The following RBFOX1 variants were observed in gnomAD, a reference collection of about 807,000 sequenced individuals.
RBFOX1 encodes the protein RNA binding protein fox-1 homolog 1.
A neutral mutation model predicts 57.7 loss-of-function variants in RBFOX1; 8 were observed. The ratio of observed to expected loss-of-function variants is 0.14; its 90% confidence interval spans 0.08 to 0.25. The LOEUF (loss-of-function observed/expected upper bound fraction) is 0.25. Among genes scored for constraint, RBFOX1 ranks in the 10% least tolerant of loss-of-function variants. RBFOX1 has a pLI of 1.00. For synonymous variants in RBFOX1, 326 were observed against 222.4 expected (o/e 1.47, Z -4.15); for missense variants, 611 against 548.5 (o/e 1.11, Z -1.14).
At chr16:5,422,174 G>A (rs1334318303) in intron 1 of RBFOX1, among the ~76,000 whole-genome samples, 2 of 151,966 alleles carry the variant, frequency 1.3e-5, no homozygotes, top group Non-Finnish European at 2.9e-5. Context: ...TGTTTGTAGA[G>A]GAAGAGAGAG....
intron 2 of RBFOX1, chr16:6,483,533 G>T (rs1472118003): frequency 5.2e-6 from 8 of 1,535,502 alleles, no homozygotes; most frequent in Non-Finnish European, 7.0e-6. Context: ...AGTCGTGGGA[G>T]ATGCCCTTCA....
chr16:5,837,210 T>A (rs2056486413), intron 3 of RBFOX1, among the ~76,000 whole-genome samples: 1 of 151,820 alleles, frequency 6.6e-6, no homozygotes, highest in Non-Finnish European at 1.5e-5. Context: ...ACGGAGGCTT[T>A]GCACACGCTC....
At chr16:6,696,888 T>G (rs1382760452) in intron 3 of RBFOX1, among the ~76,000 whole-genome samples, 1 of 152,208 alleles carries the variant, frequency 6.6e-6, no homozygotes, top group African/African-American at 2.4e-5. Context: ...AGCACATGTT[T>G]AAGAAATGGA....
At chr16:6,589,364 C>T (rs1320427436) in intron 2 of RBFOX1, among the ~76,000 whole-genome samples, 1 of 152,104 alleles carries the variant, frequency 6.6e-6, no homozygotes, top group East Asian at 1.9e-4. Context: ...AATTAGTCTC[C>T]CTGAAAACCC....
At chr16:7,378,250 G>T (rs896320626) in intron 4 of RBFOX1, among the ~76,000 whole-genome samples, 2 of 152,190 alleles carry the variant, frequency 1.3e-5, no homozygotes, top group African/African-American at 4.8e-5. Flanking sequence ...CTGATCTCGA[G>T]CCTTTTCCTC....
chr16:6,044,790 GC>G (rs1281108595), intron 1 of RBFOX1, among the ~76,000 whole-genome samples: 2 of 152,216 alleles, frequency 1.3e-5, no homozygotes, highest in African/African-American at 2.4e-5. Flanking sequence ...ACTCTGAACT[GC>G]CTGTCTGGGA....
chr16:7,431,519 C>G (rs143635023), intron 4 of RBFOX1, among the ~76,000 whole-genome samples: 1 of 152,082 alleles, frequency 6.6e-6, no homozygotes, highest in South Asian at 2.1e-4. Context: ...GGATTATGGG[C>G]GTGAGCCACC....
chr16:7,398,009 G>A (rs1332682377), intron 4 of RBFOX1, among the ~76,000 whole-genome samples: 1 of 151,794 alleles, frequency 6.6e-6, no homozygotes, highest in African/African-American at 2.4e-5. Flanking sequence ...CCTTACGGCC[G>A]TTAGTGGATT....
intron 15 of RBFOX1, chr16:7,709,824 C>T (rs2083658913): frequency 4.0e-6 from 5 of 1,261,388 alleles, no homozygotes; most frequent in African/African-American, 1.5e-5. Context: ...AACTTCTATG[C>T]ACTGAAACTC....
chr16:5,357,122 A>C (rs1045862234), intron 1 of RBFOX1, among the ~76,000 whole-genome samples: 3 of 152,148 alleles, frequency 2.0e-5, no homozygotes, highest in East Asian at 1.9e-4. Flanking sequence ...TCTCATGAGC[A>C]TTTGTTGAGT....
chr16:7,318,087 GGTGATGGTGGTA>G (rs1352767597), intron 4 of RBFOX1, among the ~76,000 whole-genome samples: 3 of 151,854 alleles, frequency 2.0e-5, no homozygotes, highest in African/African-American at 7.3e-5. Context: ...TGGTGATGAA[GGTGATGGTGGTA>G]GTGCTGGTGG....
chr16:6,067,425 C>T (rs1212106364), intron 1 of RBFOX1, among the ~76,000 whole-genome samples: 3 of 152,022 alleles, frequency 2.0e-5, no homozygotes, highest in Non-Finnish European at 4.4e-5. Context: ...AAAATACAAG[C>T]GAATGCCTGG....
chr16:7,172,873 A>T (rs1341980357), intron 4 of RBFOX1, among the ~76,000 whole-genome samples: 1 of 152,198 alleles, frequency 6.6e-6, no homozygotes, highest in Non-Finnish European at 1.5e-5. Context: ...TATCTGCCTC[A>T]ATTTGAAACT....
chr16:7,195,519 G>A (rs1030121793), intron 4 of RBFOX1, among the ~76,000 whole-genome samples: 7 of 152,102 alleles, frequency 4.6e-5, no homozygotes, highest in African/African-American at 4.8e-5. Context: ...GAGGACCTAC[G>A]ATGCTTGCTC....
intron 4 of RBFOX1, among the ~76,000 whole-genome samples, chr16:7,371,157 C>G (rs1226950055): frequency 2.6e-5 from 4 of 152,178 alleles, no homozygotes; most frequent in Non-Finnish European, 5.9e-5. Context: ...GCCCTTCTCC[C>G]TCCCAAACTG....
chr16:5,743,929 G>T lies in RBFOX1; in HGVS notation c.319-123374G>T, dbSNP rs1462630114. Among the ~76,000 whole-genome samples, 5 of 152,264 alleles carry T rather than the reference G, an allele frequency of 3.3e-5. No individual in the cohort carries two copies. In the East Asian group the frequency reaches 7.7e-4, roughly 24 times the overall value. On this transcript the variant is annotated intron_variant, in intron 3 of 19. Transcript: ENST00000641259. Reference sequence around the variant, plus strand: ...AAGGTCTCAAGAACTTATTCATCTTGATAACAGAAACTTTCTATGCTGACA... The same window carrying T: ...AAGGTCTCAAGAACTTATTCATCTTTATAACAGAAACTTTCTATGCTGACA...
intron 3 of RBFOX1, among the ~76,000 whole-genome samples, chr16:6,967,293 C>T (rs923157351): frequency 6.6e-6 from 1 of 152,068 alleles, no homozygotes; most frequent in Non-Finnish European, 1.5e-5. Context: ...ATTATCCATC[C>T]ATTATTTATG....
At chr16:7,534,387 A>G (rs770353142) in intron 5 of RBFOX1, among the ~76,000 whole-genome samples, 5 of 151,974 alleles carry the variant, frequency 3.3e-5, no homozygotes, top group Non-Finnish European at 7.4e-5. Context: ...ACCACAGTGC[A>G]CGGCCACCAC....
intron 4 of RBFOX1, among the ~76,000 whole-genome samples, chr16:7,079,028 A>G (rs1175162873): frequency 1.3e-5 from 2 of 151,620 alleles, no homozygotes; most frequent in South Asian, 2.1e-4. Context: ...GGGTTTCAAA[A>G]TATCTTTTTT....
Sources: allele counts gnomAD v4.1 joint callset (sites outside exome capture counted in the v4.1 genomes callset), GRCh38; gene constraint gnomAD v4.1.1; transcripts MANE v1.5; gene names NCBI Gene and HGNC (gene_info 2026-07-23, HGNC 2026-07-21).